Variants in FAR1 observed in about 807,000 individuals in gnomAD.
The protein encoded by FAR1 is fatty acyl-CoA reductase 1.
A neutral mutation model predicts 61.1 loss-of-function variants in FAR1; 22 were observed. The observed-to-expected ratio is 0.36, with a 90% CI of 0.26 to 0.51. The LOEUF (loss-of-function observed/expected upper bound fraction) is 0.51. Among genes scored for constraint, FAR1 ranks in the 20% least tolerant of loss-of-function variants. The probability of loss-of-function intolerance (pLI) is 0.95; values close to 1 mark genes in which losing one functional copy is unlikely to be tolerated. For missense variants in FAR1, 359 were observed against 626.9 expected (o/e 0.57, Z 4.56); for synonymous variants, 206 against 209.7 (o/e 0.98, Z 0.15).
Position 13,722,574 on chromosome 11 carries a change from A to G in FAR1, c.1257+715A>G, listed in dbSNP as rs1468301563. On this transcript the variant is annotated intron_variant, in intron 10 of 11. Transcript: ENST00000354817. ...CTGCAACCTCTGCCTCCCGGGTTCA[A>G]GCGATTCTCCTGCCTCAGCCTCCCA... Among the ~76,000 whole-genome samples, 3 of 152,060 alleles carry G rather than the reference A, an allele frequency of 2.0e-5. No individual in the cohort carries two copies. In the East Asian group the frequency reaches 5.8e-4, roughly 29 times the overall value.
chr11:13,721,072 G>A lies in FAR1; in HGVS notation c.1128-658G>A, dbSNP rs2134199052. On this transcript the variant is annotated intron_variant, in intron 9 of 11. Transcript: ENST00000354817. The surrounding 1 kb of genome is among the most constrained non-coding windows in gnomAD (Gnocchi z 4.2). ...GTGTCACACTCCTTTATTTCTGTAAGGATGAGTATTGGTGGGGTATGGAGA... is the reference window on the plus strand; with the variant it reads ...GTGTCACACTCCTTTATTTCTGTAAAGATGAGTATTGGTGGGGTATGGAGA... The A allele has an allele frequency of 6.6e-6, 1 of 152,216 alleles. No individual in the cohort carries two copies. The highest frequency in any genetic ancestry group is 1.9e-4 in the East Asian group (1 of 5,184). The allele number at this position is 152,216 out of a possible 1,614,324, so 9.4% of individuals were successfully genotyped here.
At chr11:13,700,681 A>T (rs1415556544) in intron 3 of FAR1, 189 bp downstream of exon 3, 1 of 347,740 alleles carries the variant, frequency 2.9e-6, no homozygotes. Context: ...AAAATCTTGG[A>T]TAACTAATAC....
At chr11:13,692,489 C>G (rs1221344423) in intron 1 of FAR1, among the ~76,000 whole-genome samples, 3 of 152,154 alleles carry the variant, frequency 2.0e-5, no homozygotes, top group African/African-American at 7.2e-5. Context: ...AGCTATTTTA[C>G]AGTCTCACCA....
intron 1 of FAR1, among the ~76,000 whole-genome samples, chr11:13,676,631 G>C (rs1848072083): frequency 6.6e-6 from 1 of 151,944 alleles, no homozygotes; most frequent in Non-Finnish European, 1.5e-5. Flanking sequence ...AGAAATAGGT[G>C]GTTTTAAAAA....
In FAR1 at chr11:13,721,916, CTA is replaced by C; in HGVS notation, c.1257+59_1257+60del. On this transcript the variant is annotated intron_variant, in intron 10 of 11. Coordinates refer to ENST00000354817, the MANE Select transcript of FAR1 (RefSeq NM_032228.6). The surrounding 1 kb of genome is among the most constrained non-coding windows in gnomAD (Gnocchi z 4.2). ...AATAAGTAGCATACTAATTACAGAA[CTA>C]TTAGCAACCTGAGAAATATTTTCCA... 1 of 1,393,688 alleles carries C rather than the reference CTA, an allele frequency of 7.2e-7. No individual in the cohort carries two copies. The highest frequency in any genetic ancestry group is 9.8e-7 in the Non-Finnish European group (1 of 1,021,320). 86.3% of individuals were successfully genotyped at this position (1,393,688 alleles called of 1,614,324 possible). A position where few individuals can be genotyped will look rare whatever the true frequency, so the allele number is the denominator to read the frequency against.
chr11:13,674,465 G>T (rs911635281), intron 1 of FAR1, among the ~76,000 whole-genome samples: 2 of 152,090 alleles, frequency 1.3e-5, no homozygotes, highest in African/African-American at 4.8e-5. Context: ...TAAAATGGAG[G>T]GGGAGGAGAA....
Position 13,721,653 on chromosome 11 carries a change from A to G in FAR1, c.1128-77A>G. ...ACTAATGTCTATATTATAGGGGGAA[A>G]CTTGCACCCTGGGTGGTGATAGGAT... On this transcript the variant is annotated intron_variant, in intron 9 of 11. Coordinates refer to ENST00000354817, the MANE Select transcript of FAR1 (RefSeq NM_032228.6). The surrounding 1 kb of genome is among the most constrained non-coding windows in gnomAD (Gnocchi z 4.2). 2.5e-6 allele frequency: 3 copies of G among 1,219,416 alleles called. No individual in the cohort carries two copies. The highest frequency in any genetic ancestry group is 1.5e-5 in the African/African-American group (1 of 65,230). The allele number at this position is 1,219,416 out of a possible 1,614,324, so 75.5% of individuals were successfully genotyped here. A position where few individuals can be genotyped will look rare whatever the true frequency, so the allele number is the denominator to read the frequency against.
At chr11:13,695,929 T>C (rs1156466642) in intron 2 of FAR1, among the ~76,000 whole-genome samples, 1 of 152,172 alleles carries the variant, frequency 6.6e-6, no homozygotes, top group African/African-American at 2.4e-5. Flanking sequence ...AGTTTAAAAA[T>C]TATTATTATA....
intron 3 of FAR1, among the ~76,000 whole-genome samples, chr11:13,701,830 C>G (rs763911867): frequency 4.6e-5 from 7 of 151,976 alleles, no homozygotes; most frequent in African/African-American, 1.7e-4. Context: ...ATCCATTGTA[C>G]GCTTGAGGAA....
At chr11:13,723,400 T>C (rs1410526872) in intron 10 of FAR1, 2 of 418,866 alleles carry the variant, frequency 4.8e-6, no homozygotes, top group Admixed American at 3.1e-5. Flanking sequence ...AAAAAAACTT[T>C]TTTATTTATA....
At chr11:13,692,684 G>A (rs769906298) in intron 1 of FAR1, among the ~76,000 whole-genome samples, 10 of 151,908 alleles carry the variant, frequency 6.6e-5, no homozygotes, top group East Asian at 1.9e-4. Flanking sequence ...CATTAAATTC[G>A]CTTGGGGGCT....
chr11:13,669,794 AG>A (rs1460074867), intron 1 of FAR1: 1 of 152,182 alleles, frequency 6.6e-6, no homozygotes, highest in Non-Finnish European at 1.5e-5. Flanking sequence ...TTGCCTCAGC[AG>A]CACAAGAACT....
At chr11:13,678,722 G>GT (rs140822650) in intron 1 of FAR1, among the ~76,000 whole-genome samples, 37,529 of 151,116 alleles carry the variant, frequency 0.25, 4,940 homozygotes, top group South Asian at 0.37. Flanking sequence ...AATTTAGTGG[G>GT]TCTTTTTTTT....
At chr11:13,699,053 T>C (rs1848340600) in intron 2 of FAR1, among the ~76,000 whole-genome samples, 1 of 152,212 alleles carries the variant, frequency 6.6e-6, no homozygotes, top group Non-Finnish European at 1.5e-5. Flanking sequence ...CTACTTCCTC[T>C]GCCTGGAAAC....
At chr11:13,709,557 TTC>T (rs1213911668) in intron 4 of FAR1, among the ~76,000 whole-genome samples, 1 of 152,118 alleles carries the variant, frequency 6.6e-6, no homozygotes, top group Admixed American at 6.5e-5. Context: ...CATGGGTTTG[TTC>T]TGTAAACTCG....
intron 2 of FAR1, among the ~76,000 whole-genome samples, chr11:13,696,549 C>T (rs1342095027): frequency 6.6e-6 from 1 of 152,148 alleles, no homozygotes; most frequent in Non-Finnish European, 1.5e-5. Flanking sequence ...GTATTTTCTA[C>T]TTAGAGCCTG....
chr11:13,689,653 A>G lies in FAR1; in HGVS notation c.-7-5106A>G, dbSNP rs148252367. Among the ~76,000 whole-genome samples the G allele has an allele frequency of 4.0e-4, 61 of 152,254 alleles. No homozygotes were observed. The East Asian group carries it at 0.011, about 28-fold the overall frequency. On this transcript the variant is annotated intron_variant, in intron 1 of 11. Coordinates refer to ENST00000354817, the MANE Select transcript of FAR1 (RefSeq NM_032228.6). Reference sequence around the variant, plus strand: ...ACTTATTTCTATTGGGTATATAATCAAGAGTGGAATTGCTAGGTCCTATGA... The same window carrying G: ...ACTTATTTCTATTGGGTATATAATCGAGAGTGGAATTGCTAGGTCCTATGA...
rs966852200 is a variant in FAR1 at position 13,711,784 on chromosome 11, T to C, written c.744T>C (p.Asn248=). The part of the protein sequence containing the change: ...EPFPGWIDNF[N]GPSGLFIAAG... ...ATTAGGGATGGATTGATAACTTTAA[T>C]GGACCAAGTGGTCTCTTTATTGCGG... Residue 248 remains asparagine, a synonymous_variant, in exon 6 of 12, where the codon AAT becomes AAC. Transcript: ENST00000354817. The C allele has an allele frequency of 3.1e-6, 5 of 1,600,484 alleles. No individual in the cohort carries two copies. Among genetic ancestry groups the C allele is most frequent in the Non-Finnish European group, 3.4e-6 (4 of 1,174,932 alleles).
In FAR1 at chr11:13,714,558, C is replaced by G. The variant is rs1848534825; in HGVS notation, c.1005C>G (p.Phe335Leu). The G allele has an allele frequency of 2.5e-6, 4 of 1,613,242 alleles. No individual in the cohort carries two copies. Among genetic ancestry groups the G allele is most frequent in the Non-Finnish European group, 3.4e-6 (4 of 1,179,636 alleles). ...AGAGGAATCCTCTCGAACAGGCCTT[C>G]AGACGGCCCAATGTAAATCTAACCT... ...TFKRNPLEQA[F>L]RRPNVNLTSN... Residue 335 changes from phenylalanine (F) to leucine (L), a missense_variant, in exon 9 of 12, where the codon TTC (phenylalanine) becomes TTG (leucine). Coordinates refer to ENST00000354817, the MANE Select transcript of FAR1 (RefSeq NM_032228.6).
Sources: gnomAD v4.1 joint callset for allele counts (sites outside exome capture counted in the v4.1 genomes callset) on GRCh38, gnomAD v4.1.1 for gene constraint, Gnocchi (gnomAD v3.1) non-coding constraint, MANE v1.5 for transcripts, NCBI Gene and HGNC (gene_info 2026-07-23, HGNC 2026-07-21) for gene names.